Variants in ADGRB3 observed in about 807,000 individuals in gnomAD.
ADGRB3 encodes the protein brain-specific angiogenesis inhibitor 3.
ADGRB3 carries 37 observed loss-of-function variants against 193.4 expected under a neutral mutation model. The ratio of observed to expected loss-of-function variants is 0.19; its 90% confidence interval spans 0.15 to 0.25. ADGRB3 has a LOEUF of 0.25. Ranked by LOEUF, ADGRB3 falls within the 10% of genes least tolerant of loss-of-function variation. The pLI, the probability that ADGRB3 is intolerant of heterozygous loss-of-function variation, is 1.00. For synonymous variants in ADGRB3, 690 were observed against 644.2 expected, an observed-to-expected ratio of 1.07 and a Z score of -1.08; for missense variants, 1,637 against 1,852.9, an observed-to-expected ratio of 0.88 and a Z score of 2.14.
chr6:68,984,540 C>G (rs894776481), intron 10 of ADGRB3, among the ~76,000 whole-genome samples: 6 of 152,050 alleles, frequency 3.9e-5, no homozygotes, highest in African/African-American at 1.4e-4. Flanking sequence ...GTATTTATCC[C>G]TTTCTAAATT....
chr6:69,023,622 C>A (rs1442616964), intron 13 of ADGRB3, among the ~76,000 whole-genome samples: 1 of 152,036 alleles, frequency 6.6e-6, no homozygotes, highest in Non-Finnish European at 1.5e-5. Context: ...GTTCTGAATT[C>A]TAAAGATAAT....
chr6:69,102,458 G>T lies in ADGRB3; in HGVS notation c.2480+26420G>T, dbSNP rs566196477. On this transcript the variant is annotated intron_variant, in intron 17 of 31. Transcript: ENST00000370598. ...TACATCTAAAACTCCTTTTAAGAAA[G>T]ACCAACTTTTATGTTTACTGTGTTT... 1.7e-3 allele frequency among the ~76,000 whole-genome samples: 256 copies of T among 152,264 alleles called. 1 individual carries two copies. The highest frequency in any genetic ancestry group is 7.2e-3 in the South Asian group (35 of 4,828).
chr6:69,339,234 C>A, intron 25 of ADGRB3, 99 bp from the exon 26 acceptor site: 1 of 1,423,428 alleles, frequency 7.0e-7, no homozygotes, highest in Non-Finnish European at 9.6e-7. Flanking sequence ...AGTTAATGGT[C>A]TTGGAACCAC....
rs577792721 is a variant in ADGRB3 at position 69,307,745 on chromosome 6, C to T, written c.2815-17127C>T. On this transcript the variant is annotated intron_variant, in intron 20 of 31. Coordinates refer to ENST00000370598, the MANE Select transcript of ADGRB3 (RefSeq NM_001704.3). ...TTTAATGAAGACACCAGAAGAATCA[C>T]ATGTCTAGTTATCTAGTTTACTGCA... is the stretch of plus-strand genomic sequence containing the variant. Among the ~76,000 whole-genome samples, 54 of 151,442 alleles carry T rather than the reference C, an allele frequency of 3.6e-4. 1 individual carries two copies. Among genetic ancestry groups the T allele is most frequent in the African/African-American group, 1.1e-3 (45 of 41,186 alleles).
At chr6:69,095,775 CAT>C (rs1772855773) in intron 17 of ADGRB3, among the ~76,000 whole-genome samples, 1 of 152,108 alleles carries the variant, frequency 6.6e-6, no homozygotes, top group Non-Finnish European at 1.5e-5. Flanking sequence ...TTCAATATCA[CAT>C]GATAATACAA....
At position 68,846,822 on chromosome 6, in the gene ADGRB3, A is replaced by G. The variant is rs151248815; in HGVS notation, c.758-83737A>G. ...GTCAGAGCCCTCACACAGAGTCCCT[A>G]CTGGGGCACTGCCTAGTGGAGCTGT... is the stretch of plus-strand genomic sequence containing the variant. On this transcript the variant is annotated intron_variant, in intron 3 of 31. Transcript: ENST00000370598. 1.6e-3 allele frequency among the ~76,000 whole-genome samples: 248 copies of G among 152,320 alleles called. 3 individuals carry two copies. Among genetic ancestry groups the G allele is most frequent in the African/African-American group, 5.7e-3 (239 of 41,568 alleles).
chr6:69,382,919 C>A lies in ADGRB3; in HGVS notation c.4364C>A (p.Pro1455Gln). 6.2e-7 allele frequency: 1 copy of A among 1,601,114 alleles called. No homozygotes were observed. The highest frequency in any genetic ancestry group is 8.5e-7 in the Non-Finnish European group (1 of 1,170,914). ...ACTTTGGACAGATTTCGGGATATAC[C>A]AAATACAAGCAGTATGGTAAGTATG... ...FQTLDRFRDI[P>Q]NTSSMENPAP... Residue 1455 changes from proline to glutamine, a missense_variant, in exon 31 of 32, where the codon CCA (proline) becomes CAA (glutamine). This residue lies in a region of ADGRB3 where 368 missense variants were observed against 367.4 expected (regional missense o/e 1.00). Transcript: ENST00000370598.
intron 17 of ADGRB3, among the ~76,000 whole-genome samples, chr6:69,210,870 C>G (rs1038779253): frequency 6.6e-6 from 1 of 152,044 alleles, no homozygotes; most frequent in Admixed American, 6.6e-5. Context: ...AATCCCAGCA[C>G]TTTGGGAGGC....
chr6:68,635,798 AC>A lies in ADGRB3; in HGVS notation c.-384del. On this transcript the variant is annotated 5_prime_UTR_variant, in exon 1 of 32. Coordinates refer to ENST00000370598, the MANE Select transcript of ADGRB3 (RefSeq NM_001704.3). ...GGCTTTTTTTTCCTCTCTCTCATCG[AC>A]CCCCCTTTGGTTCCCACCCCCCACC... The A allele has an allele frequency of 6.8e-6, 1 of 147,176 alleles. No individual in the cohort carries two copies. The highest frequency in any genetic ancestry group is 1.5e-5 in the Non-Finnish European group (1 of 66,824). The allele number at this position is 147,176 out of a possible 1,614,324, so 9.1% of individuals were successfully genotyped here.
At position 69,079,892 on chromosome 6, in the gene ADGRB3, T is replaced by G. The variant is rs536221939; in HGVS notation, c.2480+3854T>G. Among the ~76,000 whole-genome samples the G allele has an allele frequency of 2.2e-3, 329 of 152,188 alleles. 1 individual carries two copies. Among genetic ancestry groups the G allele is most frequent in the African/African-American group, 7.6e-3 (314 of 41,562 alleles). On this transcript the variant is annotated intron_variant, in intron 17 of 31. Transcript: ENST00000370598. ...TTCGTTAATCCATTTGTAATTTATT[T>G]ACCTATCTTGTTGTTGAAAACAAAA...
chr6:69,188,526 C>G lies in ADGRB3; in HGVS notation c.2481-44764C>G, dbSNP rs549542064. On this transcript the variant is annotated intron_variant, in intron 17 of 31. Transcript: ENST00000370598. ...GTTTCACCATGTTGGTCAGGCTGGT[C>G]GTGAACTCCTGACCTCTGGTGATCC... Among the ~76,000 whole-genome samples the G allele has an allele frequency of 2.1e-4, 32 of 152,250 alleles. No individual in the cohort carries two copies. The East Asian group carries it at 6.0e-3, about 28-fold the overall frequency.
intron 3 of ADGRB3, among the ~76,000 whole-genome samples, chr6:68,755,751 T>A (rs1766287979): frequency 6.6e-6 from 1 of 152,106 alleles, no homozygotes; most frequent in South Asian, 2.1e-4. Flanking sequence ...AAGAACTGAA[T>A]GCTTTGGGTG....
chr6:68,975,695 A>G (rs1286701639), intron 10 of ADGRB3, among the ~76,000 whole-genome samples: 2 of 152,222 alleles, frequency 1.3e-5, no homozygotes, highest in Non-Finnish European at 2.9e-5. Context: ...ATACATTTTA[A>G]AATTAAATTA....
intron 15 of ADGRB3, among the ~76,000 whole-genome samples, chr6:69,059,395 T>C (rs1048386249): frequency 6.6e-6 from 1 of 152,168 alleles, no homozygotes; most frequent in Admixed American, 6.6e-5. Flanking sequence ...GTATTTTTAA[T>C]CACTTTTTAT....
At chr6:68,669,202 A>G (rs1252478746) in intron 3 of ADGRB3, among the ~76,000 whole-genome samples, 2 of 151,938 alleles carry the variant, frequency 1.3e-5, no homozygotes, top group Non-Finnish European at 2.9e-5. Context: ...CCCCTCAAGC[A>G]TTTATCCTTT....
intron 13 of ADGRB3, among the ~76,000 whole-genome samples, chr6:69,022,794 G>T (rs1770311149): frequency 2.6e-5 from 4 of 151,914 alleles, no homozygotes. Flanking sequence ...ACATTATTTT[G>T]AGGTCCAGCT....
intron 20 of ADGRB3, among the ~76,000 whole-genome samples, chr6:69,243,460 G>C (rs1329463346): frequency 6.6e-6 from 1 of 151,866 alleles, no homozygotes; most frequent in Non-Finnish European, 1.5e-5. Context: ...CTAATCCAAT[G>C]TCTGGACACA....
At chr6:69,274,445 TTTCCTTCCTTCC>T (rs550005820) in intron 20 of ADGRB3, among the ~76,000 whole-genome samples, 5 of 123,338 alleles carry the variant, frequency 4.1e-5, no homozygotes, top group African/African-American at 6.9e-5. Context: ...GGTGGTTGCA[TTTCCTTCCTTCC>T]TTCCTTCCTT....
At chr6:69,373,779 A>G (rs985450813) in intron 30 of ADGRB3, among the ~76,000 whole-genome samples, 1 of 152,058 alleles carries the variant, frequency 6.6e-6, no homozygotes, top group Non-Finnish European at 1.5e-5. Flanking sequence ...GTTAGTATAA[A>G]GGAAAGGAGG....
Sources: allele counts gnomAD v4.1 joint callset (sites outside exome capture counted in the v4.1 genomes callset), GRCh38; gene constraint gnomAD v4.1.1; regional missense constraint gnomAD v4.1.1; transcripts MANE v1.5; gene names NCBI Gene and HGNC (gene_info 2026-07-23, HGNC 2026-07-21).